JARID2: variants seen among roughly 807,000 people sequenced by gnomAD.
JARID2 encodes protein Jumonji.
In JARID2, 21 loss-of-function variants were observed where a neutral mutation model predicts 125.6. The observed-to-expected ratio is 0.17, with a 90% CI of 0.12 to 0.24. JARID2 has a LOEUF of 0.24. Ranked by LOEUF, JARID2 falls within the 10% of genes least tolerant of loss-of-function variation. JARID2 has a pLI of 1.00. For missense variants in JARID2, 1,303 were observed against 1,639.6 expected (o/e 0.79, Z 3.55); for synonymous variants, 736 against 661.6 (o/e 1.11, Z -1.73).
chr6:15,374,290 A>G (rs780632115), intron 2 of JARID2, 38 bp downstream of exon 2: 134 of 1,606,320 alleles, frequency 8.3e-5, no homozygotes, highest in Non-Finnish European at 1.0e-4. Flanking sequence ...GGAATGTACA[A>G]TATCTCTGGG....
At chr6:15,263,231 C>G (rs952160389) in intron 1 of JARID2, among the ~76,000 whole-genome samples, 1 of 151,968 alleles carries the variant, frequency 6.6e-6, no homozygotes, top group Non-Finnish European at 1.5e-5. Context: ...GTCACACGTG[C>G]TTGTGCTGGA....
At chr6:15,330,094 C>A (rs575105650) in intron 1 of JARID2, among the ~76,000 whole-genome samples, 1 of 152,160 alleles carries the variant, frequency 6.6e-6, no homozygotes, top group African/African-American at 2.4e-5. Context: ...GGAGTGAATT[C>A]TGGTGAGAAC....
chr6:15,319,552 T>A (rs1345231782), intron 1 of JARID2, among the ~76,000 whole-genome samples: 3 of 152,132 alleles, frequency 2.0e-5, no homozygotes, highest in Non-Finnish European at 4.4e-5. Context: ...TGTGCGCAAC[T>A]GTGCCCTGCC....
intron 1 of JARID2, among the ~76,000 whole-genome samples, chr6:15,321,137 AAC>A (rs1296510411): frequency 6.6e-6 from 1 of 152,202 alleles, no homozygotes; most frequent in East Asian, 1.9e-4. Context: ...GCAAGAATTC[AAC>A]AGTCTGATTA....
chr6:15,470,038 A>G (rs988702855), intron 5 of JARID2, among the ~76,000 whole-genome samples: 2 of 152,088 alleles, frequency 1.3e-5, no homozygotes, highest in African/African-American at 2.4e-5. Flanking sequence ...TTAGCCGGGC[A>G]TGGTGGTGTG....
intron 8 of JARID2, among the ~76,000 whole-genome samples, chr6:15,503,158 C>A (rs559118603): frequency 2.6e-5 from 4 of 152,338 alleles, no homozygotes; most frequent in South Asian, 4.1e-4. Context: ...AGCCGTGTGC[C>A]CACGGGTAGG....
chr6:15,447,734 G>T (rs764567814), intron 3 of JARID2, among the ~76,000 whole-genome samples: 22 of 152,216 alleles, frequency 1.4e-4, no homozygotes, highest in Non-Finnish European at 2.6e-4. Context: ...TGTGGTGGGC[G>T]GGTATGCCGC....
chr6:15,519,624 CA>C, intron 17 of JARID2, among the ~76,000 whole-genome samples: 1 of 152,318 alleles, frequency 6.6e-6, no homozygotes, highest in East Asian at 1.9e-4. Context: ...GAGTGAATTA[CA>C]AGGATATGTA....
intron 3 of JARID2, among the ~76,000 whole-genome samples, chr6:15,411,036 T>G (rs1490989946): frequency 1.3e-5 from 2 of 152,228 alleles, no homozygotes; most frequent in African/African-American, 4.8e-5. Context: ...ACCCTTTGCC[T>G]AGTATCTACC....
At chr6:15,430,448 A>T (rs182636064) in intron 3 of JARID2, among the ~76,000 whole-genome samples, 24 of 152,318 alleles carry the variant, frequency 1.6e-4, no homozygotes, top group Admixed American at 1.6e-3. Flanking sequence ...CCTGCTGTTT[A>T]TATGTGGTTG....
At chr6:15,302,861 A>G (rs1368710335) in intron 1 of JARID2, among the ~76,000 whole-genome samples, 2 of 152,042 alleles carry the variant, frequency 1.3e-5, no homozygotes, top group African/African-American at 4.8e-5. Flanking sequence ...CAGCCTCCCA[A>G]GCAGCTGGGA....
At chr6:15,432,075 G>T (rs193236575) in intron 3 of JARID2, among the ~76,000 whole-genome samples, 98 of 147,934 alleles carry the variant, frequency 6.6e-4, no homozygotes, top group African/African-American at 2.3e-3. Context: ...TTTGAACAAA[G>T]AATTGGACAA....
intron 3 of JARID2, among the ~76,000 whole-genome samples, chr6:15,445,153 A>G (rs1767619877): frequency 6.6e-6 from 1 of 152,222 alleles, no homozygotes; most frequent in African/African-American, 2.4e-5. Flanking sequence ...AAACCTGGAG[A>G]AACAGTGCCA....
At chr6:15,331,660 G>A (rs1357561541) in intron 1 of JARID2, among the ~76,000 whole-genome samples, 3 of 152,096 alleles carry the variant, frequency 2.0e-5, no homozygotes, top group Admixed American at 2.0e-4. Context: ...GAGGTCGGGA[G>A]TTCGAGATCA....
At chr6:15,443,615 T>C (rs1415570294) in intron 3 of JARID2, among the ~76,000 whole-genome samples, 1 of 152,204 alleles carries the variant, frequency 6.6e-6, no homozygotes, top group Non-Finnish European at 1.5e-5. Context: ...ATTTAGATTT[T>C]ACTTCTCCAA....
intron 4 of JARID2, among the ~76,000 whole-genome samples, chr6:15,468,137 T>A (rs1010615451): frequency 2.0e-5 from 3 of 151,372 alleles, no homozygotes; most frequent in Non-Finnish European, 2.9e-5. Context: ...TAATGAAATG[T>A]TATATTCTGT....
chr6:15,307,908 C>T (rs1003702839), intron 1 of JARID2, among the ~76,000 whole-genome samples: 4 of 152,214 alleles, frequency 2.6e-5, no homozygotes, highest in African/African-American at 9.7e-5. Flanking sequence ...GCCAGCGTAG[C>T]TTAAAACTTA....
intron 1 of JARID2, among the ~76,000 whole-genome samples, chr6:15,338,662 C>A (rs115637752): frequency 0.028 from 4,210 of 152,254 alleles, 201 homozygotes; most frequent in African/African-American, 0.095. Flanking sequence ...AACCAGCTCC[C>A]TCTAGCCCTG....
chr6:15,345,061 G>C (rs1561804932), intron 1 of JARID2, among the ~76,000 whole-genome samples: 1 of 152,054 alleles, frequency 6.6e-6, no homozygotes, highest in Non-Finnish European at 1.5e-5. Flanking sequence ...CTGGTTTCTA[G>C]GCTTAGGAAT....
Sources: allele counts gnomAD v4.1 joint callset (sites outside exome capture counted in the v4.1 genomes callset), GRCh38; gene constraint gnomAD v4.1.1; transcripts MANE v1.5; gene names NCBI Gene and HGNC (gene_info 2026-07-23, HGNC 2026-07-21).